The following MAP2K4 variants were observed in gnomAD, a reference collection of about 807,000 sequenced individuals.
MAP2K4 encodes the protein mitogen-activated protein kinase kinase 4, also known as dual specificity mitogen-activated protein kinase kinase 4.
In MAP2K4, 4 loss-of-function variants were observed where a neutral mutation model predicts 48.5. The observed-to-expected ratio is 0.08, with a 90% CI of 0.04 to 0.19. The LOEUF is 0.19. Among genes scored for constraint, MAP2K4 ranks in the 10% least tolerant of loss-of-function variants. The probability of loss-of-function intolerance (pLI) is 1.00; values close to 1 mark genes in which losing one functional copy is unlikely to be tolerated. For missense variants in MAP2K4, 258 were observed against 493.3 expected (o/e 0.52, Z 4.52); for synonymous variants, 166 against 173.1 (o/e 0.96, Z 0.32).
At chr17:12,058,192 G>A (rs1970341149) in intron 2 of MAP2K4, among the ~76,000 whole-genome samples, 1 of 149,800 alleles carries the variant, frequency 6.7e-6, no homozygotes, top group Non-Finnish European at 1.5e-5. Context: ...TTTAGGGGAA[G>A]AATAAAGAGG....
In MAP2K4 at chr17:12,125,275, A is replaced by G. The variant is rs1186705714; in HGVS notation, c.814-19A>G. The G allele has an allele frequency of 6.2e-7, 1 of 1,601,616 alleles. No individual in the cohort carries two copies. The highest frequency in any genetic ancestry group is 1.1e-5 in the South Asian group (1 of 90,822). ...GAGTGTAAGGCAATTAATAACTTAC[A>G]CTTGTCTTTATGTTCCAGCCTGAAA... On this transcript the variant is annotated intron_variant, in intron 7 of 10. Transcript: ENST00000353533.
intron 2 of MAP2K4, among the ~76,000 whole-genome samples, chr17:12,057,650 C>T (rs1304364123): frequency 6.6e-6 from 1 of 152,012 alleles, no homozygotes; most frequent in East Asian, 1.9e-4. Context: ...TCTCCTGAAA[C>T]TTGTGTTACT....
At chr17:12,093,944 C>G (rs751467089) in intron 3 of MAP2K4, among the ~76,000 whole-genome samples, 4 of 152,104 alleles carry the variant, frequency 2.6e-5, no homozygotes, top group Admixed American at 6.6e-5. Context: ...TGAACAAATA[C>G]AGATCACATC....
chr17:12,085,109 T>C (rs1364800302), intron 3 of MAP2K4, among the ~76,000 whole-genome samples: 1 of 152,196 alleles, frequency 6.6e-6, no homozygotes, highest in Non-Finnish European at 1.5e-5. Flanking sequence ...AGCAGACTCA[T>C]GTCCAGATTG....
intron 7 of MAP2K4, chr17:12,124,583 G>A (rs548897182): frequency 6.6e-6 from 1 of 152,252 alleles, no homozygotes; most frequent in East Asian, 1.9e-4. Context: ...CATCCACCGA[G>A]CAAAGTCTTT....
chr17:12,107,196 TAATA>T (rs1972141129), intron 4 of MAP2K4, among the ~76,000 whole-genome samples: 1 of 152,074 alleles, frequency 6.6e-6, no homozygotes, highest in Non-Finnish European at 1.5e-5. Flanking sequence ...GAGACAAACA[TAATA>T]AATAAGTAAA....
intron 8 of MAP2K4, among the ~76,000 whole-genome samples, chr17:12,126,414 C>G (rs952477070): frequency 2.0e-5 from 3 of 152,190 alleles, no homozygotes; most frequent in African/African-American, 7.2e-5. Flanking sequence ...GGGCTATAAT[C>G]TTATCAAGAA....
Position 12,134,969 on chromosome 17 carries a change from T to C in MAP2K4, c.1041-4870T>C, listed in dbSNP as rs117453300. Among the ~76,000 whole-genome samples, 948 of 152,154 alleles carry C rather than the reference T, an allele frequency of 6.2e-3. 2 individuals carry two copies. The highest frequency in any genetic ancestry group is 0.036 in the East Asian group (187 of 5,174). Reference sequence around the variant, plus strand: ...CCAGACTGGAGTGCAGTGGCATGATTGCAGCTTACTGCAACCTCAACTTCC... The same window carrying C: ...CCAGACTGGAGTGCAGTGGCATGATCGCAGCTTACTGCAACCTCAACTTCC... On this transcript the variant is annotated intron_variant, in intron 9 of 10. Coordinates refer to ENST00000353533, the MANE Select transcript of MAP2K4 (RefSeq NM_003010.4).
At position 12,109,611 on chromosome 17, in the gene MAP2K4, G is replaced by A. The variant is rs997774980; in HGVS notation, c.634-764G>A. ...GATCATGATCAGTGACCAGGCAACA[G>A]GATAAATTCCCACAGTGGTGAACAG... On this transcript the variant is annotated intron_variant, in intron 5 of 10. Coordinates refer to ENST00000353533, the MANE Select transcript of MAP2K4 (RefSeq NM_003010.4). Among the ~76,000 whole-genome samples, 5 of 152,284 alleles carry A rather than the reference G, an allele frequency of 3.3e-5. No individual in the cohort carries two copies. The East Asian group carries it at 9.7e-4, about 29-fold the overall frequency.
In MAP2K4 at chr17:12,082,132, A is replaced by C. The variant is rs996743664; in HGVS notation, c.393+602A>C. 5 of 261,632 alleles carry C rather than the reference A, an allele frequency of 1.9e-5. 1 individual carries two copies. Among genetic ancestry groups the C allele is most frequent in the South Asian group, 1.9e-4 (5 of 26,654 alleles). 16.2% of individuals were successfully genotyped at this position (261,632 alleles called of 1,614,324 possible). ...TGTCCTTATTGTGTCGTGCCACTTA[A>C]TATGTTCATTAAAAAAAAAAAATGG... On this transcript the variant is annotated intron_variant, in intron 3 of 10. Transcript: ENST00000353533.
At chr17:12,133,644 G>GA (rs2151593990) in intron 9 of MAP2K4, among the ~76,000 whole-genome samples, 2 of 152,122 alleles carry the variant, frequency 1.3e-5, no homozygotes, top group East Asian at 3.9e-4. Flanking sequence ...TGTCCTGGGG[G>GA]AAGAAAAAAC....
At chr17:12,109,778 A>G (rs1028873111) in intron 5 of MAP2K4, among the ~76,000 whole-genome samples, 2 of 152,048 alleles carry the variant, frequency 1.3e-5, no homozygotes, top group African/African-American at 4.8e-5. Context: ...GCAAGTTATT[A>G]CTCTTAGTTG....
chr17:12,032,821 T>C (rs1444814995), intron 1 of MAP2K4, among the ~76,000 whole-genome samples: 1 of 152,076 alleles, frequency 6.6e-6, no homozygotes, highest in Non-Finnish European at 1.5e-5. Flanking sequence ...ACTTTCTATA[T>C]CAAAAAAAAA....
At position 12,141,131 on chromosome 17, in the gene MAP2K4, T is replaced by C; in HGVS notation, c.1087-16T>C. 6.4e-7 allele frequency: 1 copy of C among 1,560,314 alleles called. No individual in the cohort carries two copies. Among genetic ancestry groups the C allele is most frequent in the Non-Finnish European group, 8.8e-7 (1 of 1,131,202 alleles). On this transcript the variant is annotated splice_polypyrimidine_tract_variant and intron_variant, in intron 10 of 10. Transcript: ENST00000353533. Reference sequence around the variant, plus strand: ...CATACAAACTTTTGACTTTTTTGTTTTCAATTTTCTTGCAGAAACATCCCT... The same window carrying C: ...CATACAAACTTTTGACTTTTTTGTTCTCAATTTTCTTGCAGAAACATCCCT...
chr17:12,100,766 T>C (rs541430321), intron 4 of MAP2K4, among the ~76,000 whole-genome samples: 1 of 152,124 alleles, frequency 6.6e-6, no homozygotes, highest in Non-Finnish European at 1.5e-5. Flanking sequence ...CTAGTAAATG[T>C]GTGGTGGAAT....
At chr17:12,069,280 A>G (rs532603753) in intron 2 of MAP2K4, among the ~76,000 whole-genome samples, 2 of 152,320 alleles carry the variant, frequency 1.3e-5, no homozygotes, top group East Asian at 3.9e-4. Flanking sequence ...AAAGGATCTC[A>G]TGAAAACATG....
chr17:12,128,361 G>A (rs1190207178), intron 8 of MAP2K4, among the ~76,000 whole-genome samples: 2 of 152,244 alleles, frequency 1.3e-5, no homozygotes, highest in Non-Finnish European at 2.9e-5. Context: ...ACAGGCGTGA[G>A]CCACTGTGCC....
At chr17:12,107,295 A>T (rs1300358680) in intron 4 of MAP2K4, among the ~76,000 whole-genome samples, 1 of 151,970 alleles carries the variant, frequency 6.6e-6, no homozygotes, top group East Asian at 1.9e-4. Flanking sequence ...TGCGCTTTGC[A>T]TCAGTTAAAG....
At chr17:12,108,216 G>C (rs751579777) in intron 5 of MAP2K4, among the ~76,000 whole-genome samples, 2 of 151,978 alleles carry the variant, frequency 1.3e-5, no homozygotes, top group Non-Finnish European at 2.9e-5. Flanking sequence ...TTTTAAATAG[G>C]TTATATTACC....
Sources: gnomAD v4.1 joint callset for allele counts (sites outside exome capture counted in the v4.1 genomes callset) on GRCh38, gnomAD v4.1.1 for gene constraint, MANE v1.5 for transcripts, NCBI Gene and HGNC (gene_info 2026-07-23, HGNC 2026-07-21) for gene names.